RASGEF1B: variants seen among roughly 807,000 people sequenced by gnomAD.
RASGEF1B encodes ras-GEF domain-containing family member 1B.
A neutral mutation model predicts 65.7 loss-of-function variants in RASGEF1B; 30 were observed. The ratio of observed to expected loss-of-function variants is 0.46; its 90% CI spans 0.34 to 0.62. RASGEF1B has a LOEUF of 0.62. Ranked by LOEUF, RASGEF1B falls within the 20% of genes least tolerant of loss-of-function variation. The pLI is 0.01. For missense variants in RASGEF1B, 495 were observed against 580.1 expected (o/e 0.85, Z 1.51); for synonymous variants, 175 against 194.8 (o/e 0.90, Z 0.85).
rs1722007735 is a variant in RASGEF1B at position 81,445,937 on chromosome 4, T to G, written c.730-99A>C. 9 of 799,648 alleles carry G rather than the reference T, an allele frequency of 1.1e-5. No homozygotes were observed. In the South Asian group the frequency reaches 1.5e-4, roughly 13 times the overall value. 49.5% of individuals were successfully genotyped at this position (799,648 alleles called of 1,614,324 possible). A position where few individuals can be genotyped will look rare whatever the true frequency, so the allele number is the denominator to read the frequency against. ...CGAGCCTTTAGTCTCAGTTTATGGA[T>G]TAGGAAAGCTTTTGAGAACAACAGA... On this transcript the variant is annotated intron_variant, in intron 6 of 13. Coordinates refer to ENST00000264400, the MANE Select transcript of RASGEF1B (RefSeq NM_152545.3).
At chr4:81,438,729 C>G (rs544459326) in intron 10 of RASGEF1B, among the ~76,000 whole-genome samples, 2 of 151,710 alleles carry the variant, frequency 1.3e-5, no homozygotes, top group Non-Finnish European at 2.9e-5. Flanking sequence ...CTTGCCCCCC[C>G]AGCCCCCTAC....
chr4:81,452,189 C>T (rs1722283046), intron 4 of RASGEF1B: 1 of 152,524 alleles, frequency 6.6e-6, no homozygotes, highest in African/African-American at 2.4e-5. Flanking sequence ...TGGCTCACCA[C>T]AATTTCTGCC....
At chr4:81,431,334 C>T (rs1265461372) in intron 13 of RASGEF1B, among the ~76,000 whole-genome samples, 1 of 151,402 alleles carries the variant, frequency 6.6e-6, no homozygotes, top group Non-Finnish European at 1.5e-5. Context: ...CCTGTTATAT[C>T]CCATGGCTTT....
chr4:81,432,445 C>T (rs1022480578), intron 12 of RASGEF1B, 74 bp from the exon 13 acceptor site: 30 of 908,680 alleles, frequency 3.3e-5, no homozygotes, highest in East Asian at 4.9e-5. Context: ...CACCCTTGTT[C>T]GACTTGAGCC....
At chr4:81,453,726 C>T (rs1722348106) in intron 4 of RASGEF1B, 1 of 152,148 alleles carries the variant, frequency 6.6e-6, no homozygotes, top group South Asian at 2.1e-4. Flanking sequence ...GCCACCTAAG[C>T]ACGTGACTGA....
At chr4:81,447,635 G>T in intron 5 of RASGEF1B, 57 bp from the exon 6 acceptor site, 2 of 1,283,684 alleles carry the variant, frequency 1.6e-6, no homozygotes, top group Non-Finnish European at 2.3e-6. Context: ...GAAATGGACT[G>T]TCAACTCCCT....
intron 10 of RASGEF1B, among the ~76,000 whole-genome samples, chr4:81,438,670 G>T (rs1192969746): frequency 6.6e-6 from 1 of 152,102 alleles, no homozygotes; most frequent in East Asian, 1.9e-4. Flanking sequence ...CGTCATCTAG[G>T]TTTTAAGCCC....
rs141546767 is a variant in RASGEF1B at position 81,448,248 on chromosome 4, A to G, written c.475T>C (p.Cys159Arg). Residue 159 changes from cysteine (C) to arginine (R), a missense_variant, in exon 5 of 14, where the codon TGT becomes CGT. Physicochemically the swap from Cys to Arg is radical, Grantham distance 180. Coordinates refer to ENST00000264400, the MANE Select transcript of RASGEF1B (RefSeq NM_152545.3). Reference protein sequence around the residue: ...YRKNVQQMMQCLIRKLAALSQ... With the variant: ...YRKNVQQMMQRLIRKLAALSQ... ...AGCGCAGCAAGCTTGCGGATCAGAC[A>G]CTGCATCATTTGCTGGACATTCTTT... 6.8e-6 allele frequency: 11 copies of G among 1,613,168 alleles called. No homozygotes were observed. The highest frequency in any genetic ancestry group is 1.7e-5 in the Admixed American group (1 of 60,022).
At chr4:81,437,769 G>A (rs1050940921) in intron 10 of RASGEF1B, among the ~76,000 whole-genome samples, 2 of 152,162 alleles carry the variant, frequency 1.3e-5, no homozygotes, top group Non-Finnish European at 2.9e-5. Flanking sequence ...CCTTATGCCT[G>A]CATGCAAGAA....
At chr4:81,430,985 AC>A (rs929725471) in intron 13 of RASGEF1B, among the ~76,000 whole-genome samples, 6 of 152,036 alleles carry the variant, frequency 3.9e-5, no homozygotes, top group Non-Finnish European at 7.4e-5. Context: ...ATACCCAGAG[AC>A]CCCACCAAAC....
intron 1 of RASGEF1B, among the ~76,000 whole-genome samples, chr4:81,466,774 G>GAAAGAAAGA (rs1560713694): frequency 4.1e-5 from 3 of 72,414 alleles, no homozygotes; most frequent in African/African-American, 2.4e-4. Context: ...AAAAAAAAAA[G>GAAAGAAAGA]AAAGAAAGAA....
chr4:81,441,059 T>A (rs1001554908), intron 9 of RASGEF1B, 130 bp from the exon 10 acceptor site: 1 of 599,604 alleles, frequency 1.7e-6, no homozygotes, highest in Non-Finnish European at 2.9e-6. Context: ...GAATATGATT[T>A]ATCCTTCTCA....
At chr4:81,444,688 C>T (rs28464429) in intron 8 of RASGEF1B, among the ~76,000 whole-genome samples, 8,408 of 152,230 alleles carry the variant, frequency 0.055, 783 homozygotes, top group African/African-American at 0.19. Flanking sequence ...AGGCATGTGC[C>T]ACCATGCCCA....
At chr4:81,459,635 T>C in intron 1 of RASGEF1B, 121 bp from the exon 2 acceptor site, 1 of 766,428 alleles carries the variant, frequency 1.3e-6, no homozygotes, top group Non-Finnish European at 2.0e-6. Flanking sequence ...AAAATAGTAG[T>C]TCAGGTTCTG....
Position 81,440,869 on chromosome 4 carries a change from G to A in RASGEF1B, c.1069C>T (p.Gln357Ter). The A allele has an allele frequency of 6.2e-7, 1 of 1,613,174 alleles. No individual in the cohort carries two copies. Among genetic ancestry groups the A allele is most frequent in the Non-Finnish European group, 8.5e-7 (1 of 1,179,356 alleles). ...NYRTALRGAAQRSLTAHSSRE... is the reference protein window; with the variant it reads ...NYRTALRGAA ...CTACTATGAGCAGTTAAAGACCTTT[G>A]TGCTGCCCCACGAAGAGCTGTTCGA... Residue 357 changes from glutamine (Q) to a stop codon, truncating the protein, a stop_gained, in exon 10 of 14, where the codon CAA (glutamine) becomes TAA (stop). Coordinates refer to ENST00000264400, the MANE Select transcript of RASGEF1B (RefSeq NM_152545.3). LOFTEE classifies it high-confidence loss of function.
intron 6 of RASGEF1B, 32 bp downstream of exon 6, chr4:81,447,472 T>C (rs1388205700): frequency 6.5e-7 from 1 of 1,543,216 alleles, no homozygotes; most frequent in Non-Finnish European, 9.0e-7. Flanking sequence ...CCATTTTTGG[T>C]TTCAGTGCTG....
intron 10 of RASGEF1B, among the ~76,000 whole-genome samples, chr4:81,435,951 A>T (rs1007301344): frequency 2.7e-5 from 4 of 150,802 alleles, no homozygotes; most frequent in South Asian, 2.1e-4. Context: ...GTTAATTTTT[A>T]AAAATTTTGT....
intron 1 of RASGEF1B, among the ~76,000 whole-genome samples, chr4:81,469,599 T>C (rs1251833901): frequency 6.6e-6 from 1 of 152,146 alleles, no homozygotes; most frequent in African/African-American, 2.4e-5. Flanking sequence ...TATAATACTT[T>C]GATTTAGTTA....
chr4:81,451,616 T>C (rs1010064292), intron 4 of RASGEF1B: 2 of 152,216 alleles, frequency 1.3e-5, no homozygotes, highest in Non-Finnish European at 2.9e-5. Flanking sequence ...TATGAATTCT[T>C]TTTAAACAAA....
Sources: gnomAD v4.1 joint callset for allele counts (sites outside exome capture counted in the v4.1 genomes callset) on GRCh38, gnomAD v4.1.1 for gene constraint, MANE v1.5 for transcripts, NCBI Gene and HGNC (gene_info 2026-07-23, HGNC 2026-07-21) for gene names.